Variants in ZBTB20 observed in about 807,000 individuals in gnomAD.
ZBTB20 encodes the protein zinc finger and BTB domain-containing protein 20.
Under a neutral mutation model 56.9 loss-of-function variants are expected in ZBTB20, and 9 were observed. The ratio of observed to expected loss-of-function variants is 0.16; its 90% CI spans 0.10 to 0.28. The LOEUF is 0.28. Ranked by LOEUF, ZBTB20 falls within the 10% of genes least tolerant of loss-of-function variation. The probability of loss-of-function intolerance (pLI) is 1.00; values close to 1 mark genes in which losing one functional copy is unlikely to be tolerated. For missense variants in ZBTB20, 655 were observed against 1,003.0 expected (o/e 0.65, Z 4.69); for synonymous variants, 417 against 420.7 (o/e 0.99, Z 0.11).
chr3:115,043,777 T>C (rs1028686050), intron 2 of ZBTB20, among the ~76,000 whole-genome samples: 1 of 152,048 alleles, frequency 6.6e-6, no homozygotes. Flanking sequence ...AGCCCTTATT[T>C]TCAGAATTTA....
chr3:115,012,480 AC>A (rs1385589535), intron 2 of ZBTB20, among the ~76,000 whole-genome samples: 1 of 151,806 alleles, frequency 6.6e-6, no homozygotes, highest in East Asian at 1.9e-4. Context: ...AAAGAAGGTC[AC>A]CACATAATGA....
intron 2 of ZBTB20, among the ~76,000 whole-genome samples, chr3:115,012,950 A>G (rs977425188): frequency 6.6e-6 from 1 of 151,832 alleles, no homozygotes; most frequent in Admixed American, 6.6e-5. Context: ...AAATTAAACA[A>G]TATGTTCCAG....
chr3:114,603,840 C>T (rs189745283), intron 6 of ZBTB20, among the ~76,000 whole-genome samples: 7 of 151,794 alleles, frequency 4.6e-5, no homozygotes, highest in African/African-American at 9.6e-5. Flanking sequence ...AAAACTATAC[C>T]GAGATACCGT....
chr3:114,946,471 G>A (rs1180738786), intron 3 of ZBTB20, among the ~76,000 whole-genome samples: 2 of 145,074 alleles, frequency 1.4e-5, no homozygotes, highest in Non-Finnish European at 3.0e-5. Flanking sequence ...TAGTCTTCTA[G>A]AAACACAAAT....
At chr3:114,635,441 C>T (rs1231417085) in intron 6 of ZBTB20, among the ~76,000 whole-genome samples, 1 of 151,992 alleles carries the variant, frequency 6.6e-6, no homozygotes, top group Non-Finnish European at 1.5e-5. Context: ...TCTCCAATAA[C>T]CATCCTGAAA....
intron 2 of ZBTB20, among the ~76,000 whole-genome samples, chr3:115,058,013 G>A (rs533594543): frequency 6.6e-6 from 1 of 152,094 alleles, no homozygotes; most frequent in Non-Finnish European, 1.5e-5. Context: ...GAAGTGCTGA[G>A]CAAAAGGGGG....
chr3:115,094,270 GTA>G (rs1315036621), intron 1 of ZBTB20, among the ~76,000 whole-genome samples: 1 of 151,698 alleles, frequency 6.6e-6, no homozygotes, highest in African/African-American at 2.4e-5. Context: ...CAGAACCAGA[GTA>G]TATTTATTGG....
intron 2 of ZBTB20, among the ~76,000 whole-genome samples, chr3:115,053,081 A>T (rs1241866120): frequency 6.6e-6 from 1 of 152,190 alleles, no homozygotes; most frequent in Non-Finnish European, 1.5e-5. Context: ...CCCTTTCAAG[A>T]ACAGTAATTC....
chr3:114,959,738 C>T (rs1245118521), intron 3 of ZBTB20, among the ~76,000 whole-genome samples: 1 of 150,902 alleles, frequency 6.6e-6, no homozygotes, highest in East Asian at 1.9e-4. Flanking sequence ...CACACACACA[C>T]ACACACACAC....
chr3:114,470,285 A>G (rs1314990961), intron 7 of ZBTB20, among the ~76,000 whole-genome samples: 1 of 152,210 alleles, frequency 6.6e-6, no homozygotes, highest in Non-Finnish European at 1.5e-5. Flanking sequence ...TCTGTTTTAG[A>G]AACTGATGTT....
chr3:114,668,237 G>C (rs1355284651), intron 6 of ZBTB20, among the ~76,000 whole-genome samples: 1 of 152,006 alleles, frequency 6.6e-6, no homozygotes, highest in Non-Finnish European at 1.5e-5. Flanking sequence ...AGTACTGCCT[G>C]ATTTGGAACT....
chr3:114,981,250 A>G (rs570408844), intron 2 of ZBTB20, among the ~76,000 whole-genome samples: 112 of 152,172 alleles, frequency 7.4e-4, no homozygotes, highest in Middle Eastern at 3.4e-3. Flanking sequence ...CCCCAGGACA[A>G]AAGGAGAATG....
chr3:114,508,622 T>A (rs2044941523), intron 6 of ZBTB20, among the ~76,000 whole-genome samples: 2 of 152,126 alleles, frequency 1.3e-5, no homozygotes, highest in South Asian at 4.1e-4. Flanking sequence ...TTTTAAAGCC[T>A]TTGAGTGTTA....
At chr3:114,826,486 A>T (rs2073535821) in intron 4 of ZBTB20, among the ~76,000 whole-genome samples, 1 of 151,806 alleles carries the variant, frequency 6.6e-6, no homozygotes, top group Non-Finnish European at 1.5e-5. Flanking sequence ...ATGCTTTATT[A>T]GCATTCATTC....
At chr3:114,920,016 C>G (rs1251892658) in intron 3 of ZBTB20, among the ~76,000 whole-genome samples, 1 of 151,952 alleles carries the variant, frequency 6.6e-6, no homozygotes, top group African/African-American at 2.4e-5. Flanking sequence ...CAAAATCTAT[C>G]AGAAGACACA....
At chr3:114,998,394 C>T (rs993375375) in intron 2 of ZBTB20, among the ~76,000 whole-genome samples, 1 of 151,620 alleles carries the variant, frequency 6.6e-6, no homozygotes, top group African/African-American at 2.4e-5. Flanking sequence ...CCTTCTGAAA[C>T]CTCTGAAAAT....
chr3:114,341,199 G>A (rs2079733284), intron 11 of ZBTB20, among the ~76,000 whole-genome samples: 1 of 151,952 alleles, frequency 6.6e-6, no homozygotes, highest in Non-Finnish European at 1.5e-5. Context: ...GGTTAGGGAA[G>A]CCTCATTGCT....
intron 2 of ZBTB20, among the ~76,000 whole-genome samples, chr3:115,011,259 C>A (rs909438288): frequency 1.3e-5 from 2 of 151,888 alleles, no homozygotes; most frequent in African/African-American, 4.8e-5. Context: ...TAACAGAGAA[C>A]TTCCCAACCC....
chr3:114,743,579 T>A (rs960640929), intron 5 of ZBTB20: 1 of 154,112 alleles, frequency 6.5e-6, no homozygotes, highest in East Asian at 2.0e-4. Context: ...AGCCATATCA[T>A]CCTTAGGGCA....
Sources: gnomAD v4.1 joint callset for allele counts (sites outside exome capture counted in the v4.1 genomes callset) on GRCh38, gnomAD v4.1.1 for gene constraint, MANE v1.5 for transcripts, NCBI Gene and HGNC (gene_info 2026-07-23, HGNC 2026-07-21) for gene names.